The following SCD5 variants were observed in gnomAD, a reference collection of about 807,000 sequenced individuals.
The protein encoded by SCD5 is stearoyl-CoA desaturase 5.
Under a neutral mutation model 30.4 loss-of-function variants are expected in SCD5, and 20 were observed. The observed-to-expected ratio is 0.66, with a 90% confidence interval of 0.46 to 0.96. The LOEUF is 0.96. Among genes scored for constraint, SCD5 ranks in the 40% least tolerant of loss-of-function variants. The pLI, the probability that SCD5 is intolerant of heterozygous loss-of-function variation, is 0.00. For synonymous variants in SCD5, 173 were observed against 176.4 expected, an observed-to-expected ratio of 0.98 and a Z score of 0.16; for missense variants, 381 against 443.3, an observed-to-expected ratio of 0.86 and a Z score of 1.26.
intron 1 of SCD5, among the ~76,000 whole-genome samples, chr4:82,742,879 G>GC (rs765921925): frequency 2.0e-5 from 3 of 152,196 alleles, no homozygotes; most frequent in Admixed American, 6.5e-5. Flanking sequence ...TCAAACACTG[G>GC]CCAGGCTCAG....
intron 1 of SCD5, among the ~76,000 whole-genome samples, chr4:82,764,445 T>C (rs1406323998): frequency 6.6e-6 from 1 of 152,232 alleles, no homozygotes; most frequent in East Asian, 1.9e-4. Flanking sequence ...AGTTGAGCAT[T>C]TTTCATGATT....
At chr4:82,786,810 AAC>A (rs1491233073) in intron 1 of SCD5, among the ~76,000 whole-genome samples, 2 of 151,472 alleles carry the variant, frequency 1.3e-5, no homozygotes, top group Non-Finnish European at 2.9e-5. Context: ...AAAAAAAAAA[AAC>A]AAGGCAATCT....
intron 1 of SCD5, among the ~76,000 whole-genome samples, chr4:82,712,298 TTTA>T (rs1417732906): frequency 4.4e-5 from 1 of 22,854 alleles, no homozygotes; most frequent in Non-Finnish European, 9.1e-5. Flanking sequence ...ATATATATAT[TTTA>T]TTTTTATTTT....
At chr4:82,775,511 G>T (rs1040855164) in intron 1 of SCD5, 1 of 152,234 alleles carries the variant, frequency 6.6e-6, no homozygotes, top group African/African-American at 2.4e-5. Flanking sequence ...GCCATGCCAC[G>T]TGCAACCTAT....
chr4:82,684,602 A>C (rs973204185), intron 2 of SCD5, among the ~76,000 whole-genome samples: 37 of 152,170 alleles, frequency 2.4e-4, no homozygotes, highest in African/African-American at 8.7e-4. Context: ...ATTTTGGTAC[A>C]GTCAGTATGT....
At chr4:82,693,851 G>A (rs967093951) in intron 2 of SCD5, among the ~76,000 whole-genome samples, 1 of 152,208 alleles carries the variant, frequency 6.6e-6, no homozygotes, top group African/African-American at 2.4e-5. Context: ...TCCCTGAAGA[G>A]GACTCCATTT....
chr4:82,643,073 A>T (rs1165833712), intron 3 of SCD5, among the ~76,000 whole-genome samples: 1 of 152,192 alleles, frequency 6.6e-6, no homozygotes, highest in Non-Finnish European at 1.5e-5. Context: ...GGCCAATAAG[A>T]CTGGAGGGGA....
At chr4:82,785,939 C>T (rs1213762538) in intron 1 of SCD5, among the ~76,000 whole-genome samples, 1 of 152,192 alleles carries the variant, frequency 6.6e-6, no homozygotes, top group Admixed American at 6.5e-5. Flanking sequence ...TTTATTGTAA[C>T]CATCTGCAAA....
intron 1 of SCD5, among the ~76,000 whole-genome samples, chr4:82,760,212 CCT>C (rs1278530614): frequency 1.1e-4 from 16 of 152,120 alleles, no homozygotes; most frequent in African/African-American, 3.9e-4. Context: ...GTCTAAACTC[CCT>C]GTGTTAACCT....
At chr4:82,762,978 C>T (rs890165933) in intron 1 of SCD5, among the ~76,000 whole-genome samples, 4 of 152,172 alleles carry the variant, frequency 2.6e-5, no homozygotes, top group African/African-American at 7.2e-5. Flanking sequence ...CCTGGTCCCC[C>T]TCTGTAGGGC....
intron 1 of SCD5, among the ~76,000 whole-genome samples, chr4:82,782,987 C>T (rs1412231714): frequency 2.0e-5 from 3 of 152,208 alleles, no homozygotes; most frequent in Non-Finnish European, 2.9e-5. Flanking sequence ...TGCTTCGGGG[C>T]CTGAATGTCT....
chr4:82,655,014 C>G (rs1288986178), intron 3 of SCD5, among the ~76,000 whole-genome samples: 1 of 152,164 alleles, frequency 6.6e-6, no homozygotes, highest in South Asian at 2.1e-4. Context: ...CCTCACCATG[C>G]CAGTCAGAAA....
intron 1 of SCD5, among the ~76,000 whole-genome samples, chr4:82,734,677 TG>T (rs1392316765): frequency 2.0e-5 from 3 of 152,102 alleles, no homozygotes; most frequent in South Asian, 2.1e-4. Flanking sequence ...CATCCTGCCA[TG>T]TAACAAATTA....
chr4:82,764,552 A>G (rs77716829), intron 1 of SCD5, among the ~76,000 whole-genome samples: 7,772 of 152,130 alleles, frequency 0.051, 269 homozygotes, highest in Middle Eastern at 0.092. Flanking sequence ...ATTATCATCT[A>G]CCTTCAAGTA....
intron 1 of SCD5, among the ~76,000 whole-genome samples, chr4:82,782,908 A>C (rs967166337): frequency 1.3e-5 from 2 of 152,216 alleles, no homozygotes; most frequent in Non-Finnish European, 2.9e-5. Flanking sequence ...GGAGAGCCAC[A>C]CAACAATACT....
At chr4:82,748,340 G>C (rs76010633) in intron 1 of SCD5, among the ~76,000 whole-genome samples, 14,924 of 152,096 alleles carry the variant, frequency 0.098, 950 homozygotes, top group Non-Finnish European at 0.15. Context: ...ACGGGGGAGA[G>C]GAGGGGGAGG....
At chr4:82,732,123 C>T (rs1042423985) in intron 1 of SCD5, among the ~76,000 whole-genome samples, 6 of 151,808 alleles carry the variant, frequency 4.0e-5, no homozygotes, top group East Asian at 1.9e-4. Flanking sequence ...TTTTTTGAGA[C>T]GGAGTCTTGC....
At chr4:82,636,484 CTCCAT>C in intron 4 of SCD5, 102 bp downstream of exon 4, 1 of 747,450 alleles carries the variant, frequency 1.3e-6, no homozygotes, top group Non-Finnish European at 2.2e-6. Flanking sequence ...GTTCACTGAA[CTCCAT>C]TCCACTCCAC....
At chr4:82,738,493 T>C (rs1720802598) in intron 1 of SCD5, among the ~76,000 whole-genome samples, 1 of 152,240 alleles carries the variant, frequency 6.6e-6, no homozygotes, top group African/African-American at 2.4e-5. Flanking sequence ...AGATCCCCAG[T>C]TGGGGAAGAA....
Sources: allele counts gnomAD v4.1 joint callset (sites outside exome capture counted in the v4.1 genomes callset), GRCh38; gene constraint gnomAD v4.1.1; transcripts MANE v1.5; gene names NCBI Gene and HGNC (gene_info 2026-07-23, HGNC 2026-07-21).